The following FSTL4 variants were observed in gnomAD, a reference collection of about 807,000 sequenced individuals.
FSTL4 encodes follistatin like 4, also known as follistatin-related protein 4.
FSTL4 carries 28 observed loss-of-function variants against 78.2 expected under a neutral mutation model. The ratio of observed to expected loss-of-function variants is 0.36; its 90% CI spans 0.27 to 0.49. The LOEUF (loss-of-function observed/expected upper bound fraction) is 0.49. Among genes scored for constraint, FSTL4 ranks in the 20% least tolerant of loss-of-function variants. The pLI, the probability that FSTL4 is intolerant of heterozygous loss-of-function variation, is 0.98. For synonymous variants in FSTL4, 422 were observed against 440.5 expected (o/e 0.96, Z 0.53); for missense variants, 922 against 1,084.9 (o/e 0.85, Z 2.11).
At chr5:133,600,478 G>T (rs1418546141) in intron 2 of FSTL4, among the ~76,000 whole-genome samples, 1 of 151,754 alleles carries the variant, frequency 6.6e-6, no homozygotes, top group Non-Finnish European at 1.5e-5. Flanking sequence ...TCTCAGAATT[G>T]TTTCCTCTGA....
the FSTL4 span, among the ~76,000 whole-genome samples, chr5:133,664,265 G>A: frequency 1.3e-5 from 2 of 151,940 alleles, no homozygotes; most frequent in East Asian, 1.9e-4. Flanking sequence ...TGCTGTGGGC[G>A]GCAGACCCTG....
intron 4 of FSTL4, among the ~76,000 whole-genome samples, chr5:133,392,979 A>G (rs1173357869): frequency 6.6e-5 from 10 of 152,172 alleles, no homozygotes. Flanking sequence ...ATTCTTGCAC[A>G]TTTGCGGGGT....
the FSTL4 span, among the ~76,000 whole-genome samples, chr5:133,706,755 G>C: frequency 3.3e-5 from 5 of 152,118 alleles, no homozygotes; most frequent in Non-Finnish European, 7.3e-5. Flanking sequence ...GAAACAGGAT[G>C]GTTTCATCCC....
intron 4 of FSTL4, among the ~76,000 whole-genome samples, chr5:133,339,194 G>C (rs1754533446): frequency 6.6e-6 from 1 of 152,184 alleles, no homozygotes; most frequent in African/African-American, 2.4e-5. Flanking sequence ...CCCTTTCCAA[G>C]CCTCTTCAGA....
At chr5:133,252,436 C>A (rs1752280764) in intron 6 of FSTL4, among the ~76,000 whole-genome samples, 1 of 152,082 alleles carries the variant, frequency 6.6e-6, no homozygotes, top group Admixed American at 6.5e-5. Flanking sequence ...TGCCCCTCTG[C>A]CTCAGGCTGA....
At chr5:133,444,749 C>G (rs764741148) in intron 3 of FSTL4, among the ~76,000 whole-genome samples, 4 of 152,196 alleles carry the variant, frequency 2.6e-5, no homozygotes, top group Non-Finnish European at 5.9e-5. Flanking sequence ...CACTCTTTCC[C>G]CAGATACGTG....
intron 4 of FSTL4, among the ~76,000 whole-genome samples, chr5:133,374,820 A>T (rs1475102946): frequency 6.6e-6 from 1 of 152,038 alleles, no homozygotes. Context: ...TTCTGCTACC[A>T]CCTTGATCTT....
chr5:133,438,697 G>T (rs1757087893), intron 3 of FSTL4, among the ~76,000 whole-genome samples: 1 of 152,178 alleles, frequency 6.6e-6, no homozygotes, highest in African/African-American at 2.4e-5. Flanking sequence ...CATCCGGATT[G>T]CCCTGACAAT....
At chr5:133,676,170 T>C in the FSTL4 span, among the ~76,000 whole-genome samples, 2 of 152,270 alleles carry the variant, frequency 1.3e-5, no homozygotes, top group Admixed American at 6.5e-5. Context: ...CTGCACATTA[T>C]ATTTGTTTTC....
intron 6 of FSTL4, among the ~76,000 whole-genome samples, chr5:133,253,746 G>A (rs545554040): frequency 6.6e-6 from 1 of 152,248 alleles, no homozygotes; most frequent in South Asian, 2.1e-4. Context: ...GCAGAACAAG[G>A]TACATCTCAG....
chr5:133,717,444 G>A, the FSTL4 span, among the ~76,000 whole-genome samples: 1 of 152,116 alleles, frequency 6.6e-6, no homozygotes, highest in South Asian at 2.1e-4. Flanking sequence ...TAATTTACAT[G>A]GAGTAAAATG....
intron 6 of FSTL4, among the ~76,000 whole-genome samples, chr5:133,251,325 G>A (rs975025832): frequency 6.6e-6 from 1 of 152,140 alleles, no homozygotes; most frequent in Non-Finnish European, 1.5e-5. Context: ...TGACCACGAG[G>A]CTCCCCTGGG....
At chr5:133,336,024 T>A (rs1452259347) in intron 4 of FSTL4, among the ~76,000 whole-genome samples, 1 of 152,224 alleles carries the variant, frequency 6.6e-6, no homozygotes, top group Non-Finnish European at 1.5e-5. Flanking sequence ...TAGCTTACCC[T>A]GCTCTGTGAA....
chr5:133,214,642 T>C (rs1750850986), intron 13 of FSTL4, among the ~76,000 whole-genome samples: 1 of 152,194 alleles, frequency 6.6e-6, no homozygotes, highest in Non-Finnish European at 1.5e-5. Flanking sequence ...GAAGTTCATC[T>C]AACTACCACC....
At chr5:133,802,796 C>A in the FSTL4 span, among the ~76,000 whole-genome samples, 1 of 152,202 alleles carries the variant, frequency 6.6e-6, no homozygotes, top group African/African-American at 2.4e-5. Flanking sequence ...TCCTCTAGCC[C>A]CAGACTCTCA....
At chr5:133,631,148 G>T in the FSTL4 span, among the ~76,000 whole-genome samples, 1 of 152,168 alleles carries the variant, frequency 6.6e-6, no homozygotes, top group Admixed American at 6.5e-5. Flanking sequence ...ATTGGCAAAT[G>T]GGGTCTAATT....
intron 4 of FSTL4, among the ~76,000 whole-genome samples, chr5:133,376,195 T>G (rs1262322213): frequency 6.6e-6 from 1 of 152,236 alleles, no homozygotes; most frequent in Admixed American, 6.5e-5. Flanking sequence ...CTTTTATAAT[T>G]AAGACATTGT....
chr5:133,514,278 A>G (rs186370151), intron 3 of FSTL4, among the ~76,000 whole-genome samples: 25 of 151,760 alleles, frequency 1.6e-4, no homozygotes, highest in African/African-American at 6.0e-4. Flanking sequence ...GAACAGATGA[A>G]GAAACAAGAG....
chr5:133,435,641 A>G (rs1348052819), intron 3 of FSTL4, among the ~76,000 whole-genome samples: 2 of 152,218 alleles, frequency 1.3e-5, no homozygotes, highest in Non-Finnish European at 2.9e-5. Context: ...TTAGGTTAGC[A>G]CTATGTTCTA....
Sources: allele counts gnomAD v4.1 joint callset (sites outside exome capture counted in the v4.1 genomes callset), GRCh38; gene constraint gnomAD v4.1.1; transcripts MANE v1.5; gene names NCBI Gene and HGNC (gene_info 2026-07-23, HGNC 2026-07-21).